PI4KA: variants seen among roughly 807,000 people sequenced by gnomAD.
The protein encoded by PI4KA is phosphatidylinositol 4-kinase alpha.
Under a neutral mutation model 271.4 loss-of-function variants are expected in PI4KA, and 122 were observed. The observed-to-expected ratio is 0.45, with a 90% CI of 0.39 to 0.52. The LOEUF (loss-of-function observed/expected upper bound fraction) is 0.52, where lower values mean the gene tolerates loss of function less well. Ranked by LOEUF, PI4KA falls within the 20% of genes least tolerant of loss-of-function variation. The pLI is 0.00. For synonymous variants in PI4KA, 1,041 were observed against 1,078.8 expected (o/e 0.96, Z 0.69); for missense variants, 1,969 against 2,769.1 (o/e 0.71, Z 6.48).
chr22:20,739,366 A>G (rs1929132712), intron 32 of PI4KA, among the ~76,000 whole-genome samples: 1 of 150,308 alleles, frequency 6.7e-6, no homozygotes. Context: ...AAAAGCAACA[A>G]CAAAAAAAGT....
At chr22:20,832,931 C>T (rs1158613711) in intron 3 of PI4KA, among the ~76,000 whole-genome samples, 2 of 152,182 alleles carry the variant, frequency 1.3e-5, no homozygotes, top group Non-Finnish European at 2.9e-5. Context: ...TGCTGGGGAA[C>T]TAGTGCAGTC....
At chr22:20,732,831 A>T (rs1928236793) in intron 36 of PI4KA, 140 bp downstream of exon 36, 1 of 812,404 alleles carries the variant, frequency 1.2e-6, no homozygotes, top group Non-Finnish European at 2.0e-6. Flanking sequence ...GCCTCCAATG[A>T]CCGTGCAACA....
chr22:20,760,375 T>A (rs1931839940), intron 23 of PI4KA, among the ~76,000 whole-genome samples: 1 of 152,250 alleles, frequency 6.6e-6, no homozygotes, highest in African/African-American at 2.4e-5. Flanking sequence ...GACTTCTTAG[T>A]GCCCTTACAC....
intron 19 of PI4KA, among the ~76,000 whole-genome samples, chr22:20,768,274 G>A (rs2147413913): frequency 6.6e-6 from 1 of 152,100 alleles, no homozygotes; most frequent in Non-Finnish European, 1.5e-5. Flanking sequence ...CTCTCACTAT[G>A]TTGCCCAGGG....
At chr22:20,756,192 G>A (rs961459412) in intron 23 of PI4KA, among the ~76,000 whole-genome samples, 3 of 151,024 alleles carry the variant, frequency 2.0e-5, no homozygotes, top group Admixed American at 2.0e-4. Flanking sequence ...TGGGCCATGT[G>A]TTTAGTATAA....
rs1601325043 is a variant in PI4KA, at chr22:20,718,703, C to G, written c.5236G>C (p.Ala1746Pro). 3.7e-6 allele frequency: 6 copies of G among 1,613,450 alleles called. No homozygotes were observed. In the East Asian group the frequency reaches 1.1e-4, roughly 30 times the overall value. The part of the protein sequence containing the change: ...DFFNKITNVS[A>P]IIKPYPKGDE... The stretch of plus-strand genomic sequence containing the variant: ...AAGCACTGCACTTACTTGATGATAG[C>G]CGACACGTTGGTGATCTTGTTAAAG... Residue 1746 changes from alanine (A) to proline (P), a missense_variant, in exon 44 of 55, where the codon GCT (alanine) becomes CCT (proline). This residue lies in a region of PI4KA where 388 missense variants were observed against 521.5 expected (regional missense o/e 0.74). Coordinates refer to ENST00000255882, the MANE Select transcript of PI4KA (RefSeq NM_058004.4).
In PI4KA at chr22:20,774,534, G is replaced by A. The variant is rs529925657; in HGVS notation, c.2329-8841C>T. ...TCCCAACACTTTGGGAGGCCGAGGC[G>A]GGTGGATCACGAGGTCAGGAGTTCA... On this transcript the variant is annotated intron_variant, in intron 19 of 54. Coordinates refer to ENST00000255882, the MANE Select transcript of PI4KA (RefSeq NM_058004.4). Among the ~76,000 whole-genome samples, 10 of 152,258 alleles carry A rather than the reference G, an allele frequency of 6.6e-5. No individual in the cohort carries two copies. The East Asian group carries it at 9.6e-4, about 15-fold the overall frequency.
At chr22:20,756,455 A>G (rs1173448136) in intron 23 of PI4KA, among the ~76,000 whole-genome samples, 1 of 152,010 alleles carries the variant, frequency 6.6e-6, no homozygotes, top group Non-Finnish European at 1.5e-5. Flanking sequence ...CCTGATCTCA[A>G]ATGATCCACC....
chr22:20,848,061 A>G (rs1215584026), intron 1 of PI4KA, among the ~76,000 whole-genome samples: 1 of 152,046 alleles, frequency 6.6e-6, no homozygotes. Context: ...AACATGGCAA[A>G]ACCCTGTCTC....
Position 20,729,992 on chromosome 22 carries a change from G to T in PI4KA, c.4308C>A (p.Ser1436Arg). ...LVPPDNQDTR[S>R]NLDITVGSRQ... ...GAGAGCCGACAGTTATGTCCAGGTT[G>T]CTCCGGGTGTCCTGATTATCTGAGG... The change falls in exon 37 of 55, where the codon AGC becomes AGA. Residue 1436 changes from serine to arginine, a missense_variant. This residue lies in a region of PI4KA where 23 missense variants were observed against 23.2 expected (regional missense o/e 0.99). Transcript: ENST00000255882. 6.2e-7 allele frequency: 1 copy of T among 1,614,210 alleles called. No individual in the cohort carries two copies. Among genetic ancestry groups the T allele is most frequent in the Non-Finnish European group, 8.5e-7 (1 of 1,180,032 alleles).
chr22:20,803,721 G>C (rs761775500), intron 12 of PI4KA, among the ~76,000 whole-genome samples: 72 of 151,878 alleles, frequency 4.7e-4, no homozygotes, highest in Non-Finnish European at 8.1e-4. Context: ...TTGTGCAGAC[G>C]GAGTCTCACT....
chr22:20,785,984 C>T (rs747964539), intron 19 of PI4KA: 3 of 1,614,152 alleles, frequency 1.9e-6, no homozygotes, highest in South Asian at 1.1e-5. Flanking sequence ...AACTGGGCCC[C>T]CCTTTCCTTT....
At chr22:20,847,754 C>CAAAAA (rs361953) in intron 1 of PI4KA, among the ~76,000 whole-genome samples, 1 of 138,492 alleles carries the variant, frequency 7.2e-6, no homozygotes, top group Admixed American at 7.1e-5. Context: ...GACCCTGTTT[C>CAAAAA]AAAAAAAAAA....
intron 19 of PI4KA, among the ~76,000 whole-genome samples, chr22:20,768,515 C>T (rs1932733991): frequency 6.6e-6 from 1 of 152,134 alleles, no homozygotes; most frequent in African/African-American, 2.4e-5. Flanking sequence ...TGGGAAAAAG[C>T]AGCCACATGT....
chr22:20,804,475 A>G, intron 11 of PI4KA, 75 bp from the exon 12 acceptor site: 1 of 1,013,598 alleles, frequency 9.9e-7, no homozygotes, highest in Admixed American at 1.7e-5. Flanking sequence ...CCACCAAGTA[A>G]GCACAGAATT....
At chr22:20,735,746 C>G (rs1928634041) in intron 32 of PI4KA, among the ~76,000 whole-genome samples, 1 of 152,242 alleles carries the variant, frequency 6.6e-6, no homozygotes, top group African/African-American at 2.4e-5. Context: ...GGGCGGGGCT[C>G]TGTCTGCTGC....
At chr22:20,736,044 G>A (rs1033914175) in intron 32 of PI4KA, among the ~76,000 whole-genome samples, 1 of 152,120 alleles carries the variant, frequency 6.6e-6, no homozygotes, top group Non-Finnish European at 1.5e-5. Flanking sequence ...GGGGACCACA[G>A]ACAACAAGAA....
intron 2 of PI4KA, among the ~76,000 whole-genome samples, chr22:20,836,408 T>C (rs1457980741): frequency 1.3e-5 from 2 of 152,216 alleles, no homozygotes; most frequent in African/African-American, 4.8e-5. Flanking sequence ...AAAAAGGAAC[T>C]GGCTAAGACA....
intron 1 of PI4KA, among the ~76,000 whole-genome samples, chr22:20,843,447 GCTGTGATCA>G (rs1925851665): frequency 6.6e-6 from 1 of 151,990 alleles, no homozygotes; most frequent in Non-Finnish European, 1.5e-5. Context: ...GCTGCAGTGA[GCTGTGATCA>G]CACTACTACA....
Sources: gnomAD v4.1 joint callset for allele counts (sites outside exome capture counted in the v4.1 genomes callset) on GRCh38, gnomAD v4.1.1 for gene constraint, gnomAD v4.1.1 regional missense constraint, MANE v1.5 for transcripts, NCBI Gene and HGNC (gene_info 2026-07-23, HGNC 2026-07-21) for gene names.